The following DMD variants were observed in gnomAD, a reference collection of about 807,000 sequenced individuals.
DMD encodes the protein mutant dystrophin.
DMD carries 63 observed loss-of-function variants against 330.1 expected under a neutral mutation model. The ratio of observed to expected loss-of-function variants is 0.19; its 90% CI spans 0.16 to 0.24. The LOEUF (loss-of-function observed/expected upper bound fraction) is 0.24. DMD is among the 10% of genes least tolerant of loss of function. DMD has a pLI of 1.00. For missense variants in DMD, 3,344 were observed against 2,684.1 expected (o/e 1.25, Z -5.43); for synonymous variants, 1,223 against 959.8 (o/e 1.27, Z -5.07).
At chrX:31,123,091 A>T (rs1232567362) in intron 78 of DMD, among the ~76,000 whole-genome samples, 6 of 111,942 alleles carry the variant, frequency 5.4e-5, no homozygotes, top group Non-Finnish European at 1.1e-4. Flanking sequence ...TCCCAATAAA[A>T]ATTAAAGCTA....
chrX:31,522,353 C>CTATATA (rs1476139332), intron 55 of DMD, among the ~76,000 whole-genome samples: 2 of 62,824 alleles, frequency 3.2e-5, no homozygotes, highest in African/African-American at 8.5e-5. Context: ...CTCTCTCTCT[C>CTATATA]TCTCTCTCTC....
intron 1 of DMD, among the ~76,000 whole-genome samples, chrX:33,143,779 G>A (rs2047905980): frequency 1.8e-5 from 2 of 111,582 alleles, no homozygotes; most frequent in South Asian, 3.7e-4. Flanking sequence ...ATTTTATATA[G>A]CGTTAACTCC....
At chrX:31,715,345 C>T (rs957009501) in intron 52 of DMD, among the ~76,000 whole-genome samples, 51 of 105,897 alleles carry the variant, frequency 4.8e-4, no homozygotes, top group Non-Finnish European at 8.1e-4. Context: ...GAGATCGAGA[C>T]CATCCTGGCT....
In DMD at chrX:31,162,257, A is replaced by G. The variant is rs192917154; in HGVS notation, c.10553+7186T>C. ...AACAGAATTACATCCTCAGGCCTGG[A>G]AAGTAGCTAAAGAAACTCATGACCA... is the stretch of plus-strand genomic sequence containing the variant. On this transcript the variant is annotated intron_variant, in intron 74 of 78. Transcript: ENST00000357033. Among the ~76,000 whole-genome samples the G allele has an allele frequency of 5.4e-3, 581 of 107,107 alleles. 4 individuals are homozygous for G. Among genetic ancestry groups the G allele is most frequent in the African/African-American group, 0.019 (553 of 29,577 alleles). 93.0% of individuals were successfully genotyped at this position (107,107 alleles called of 115,157 possible). A position where few individuals can be genotyped will look rare whatever the true frequency, so the allele number is the denominator to read the frequency against.
At chrX:32,373,753 TGA>T (rs2097889785) in intron 34 of DMD, among the ~76,000 whole-genome samples, 1 of 111,730 alleles carries the variant, frequency 9.0e-6, no homozygotes, top group African/African-American at 3.2e-5. Flanking sequence ...TTCCTCTTGG[TGA>T]GAGAGTCTCT....
chrX:31,750,068 C>G (rs773424067), intron 51 of DMD, among the ~76,000 whole-genome samples: 1 of 110,298 alleles, frequency 9.1e-6, no homozygotes, highest in Non-Finnish European at 1.9e-5. Flanking sequence ...AAGCAGGTTG[C>G]GAAAATTTTC....
chrX:31,955,928 A>G (rs1235838901), intron 45 of DMD, among the ~76,000 whole-genome samples: 1 of 112,241 alleles, frequency 8.9e-6, no homozygotes, highest in Admixed American at 9.4e-5. Context: ...TTTGGTAGAG[A>G]CTGCTTAGCT....
At chrX:32,601,607 T>C in intron 12 of DMD, among the ~76,000 whole-genome samples, 1 of 108,723 alleles carries the variant, frequency 9.2e-6, no homozygotes, top group African/African-American at 3.3e-5. Flanking sequence ...TGAAATAGAT[T>C]GACCAAAACT....
chrX:32,459,264 A>G (rs1415871487), intron 25 of DMD, among the ~76,000 whole-genome samples: 1 of 110,968 alleles, frequency 9.0e-6, no homozygotes, highest in African/African-American at 3.3e-5. Flanking sequence ...TCATGGGTAT[A>G]CGCTTATCCC....
At chrX:32,807,854 T>C (rs1191431981) in intron 7 of DMD, among the ~76,000 whole-genome samples, 1 of 111,897 alleles carries the variant, frequency 8.9e-6, no homozygotes, top group Non-Finnish European at 1.9e-5. Context: ...TATTTTTAAA[T>C]CTTCTCTTAC....
chrX:32,132,286 G>A (rs1340050761), intron 44 of DMD, among the ~76,000 whole-genome samples: 1 of 111,842 alleles, frequency 8.9e-6, no homozygotes, highest in Non-Finnish European at 1.9e-5. Context: ...GTCCATCATG[G>A]TCAAATTACT....
chrX:33,215,640 T>C (rs761924657), upstream of DMD, among the ~76,000 whole-genome samples: 11 of 111,754 alleles, frequency 9.8e-5, no homozygotes, highest in Non-Finnish European at 2.1e-4. Context: ...TCTTCTAGGA[T>C]TTTTTACAGT....
intron 2 of DMD, among the ~76,000 whole-genome samples, chrX:32,960,025 CA>C (rs1393619440): frequency 9.0e-6 from 1 of 110,584 alleles, no homozygotes; most frequent in African/African-American, 3.3e-5. Context: ...CTAGACTCAA[CA>C]AATAGGATTT....
intron 44 of DMD, among the ~76,000 whole-genome samples, chrX:31,985,447 C>T (rs2095502673): frequency 8.9e-6 from 1 of 112,374 alleles, no homozygotes; most frequent in South Asian, 3.6e-4. Flanking sequence ...ATATTTATGT[C>T]GCTTCTACAT....
At chrX:31,526,864 C>T (rs762265400) in intron 55 of DMD, among the ~76,000 whole-genome samples, 4 of 112,221 alleles carry the variant, frequency 3.6e-5, no homozygotes, top group East Asian at 5.6e-4. Context: ...AATTCCAGCA[C>T]GTTGTCAGGC....
intron 45 of DMD, among the ~76,000 whole-genome samples, chrX:31,949,508 A>T (rs1159379952): frequency 1.8e-5 from 2 of 111,455 alleles, no homozygotes; most frequent in African/African-American, 3.3e-5. Flanking sequence ...TGCAAGCTTC[A>T]TGAACTTATC....
chrX:33,172,654 T>C (rs1455109023), intron 1 of DMD, among the ~76,000 whole-genome samples: 1 of 111,809 alleles, frequency 8.9e-6, no homozygotes, highest in Non-Finnish European at 1.9e-5. Context: ...TGGGAGAGAT[T>C]ACACTCCCGT....
At chrX:32,044,500 C>A (rs1224843509) in intron 44 of DMD, among the ~76,000 whole-genome samples, 1 of 110,578 alleles carries the variant, frequency 9.0e-6, no homozygotes, top group Non-Finnish European at 1.9e-5. Flanking sequence ...CGGCTCACTG[C>A]AAGCTCTGCA....
chrX:31,141,843 G>T (rs1218555962), intron 76 of DMD, among the ~76,000 whole-genome samples: 1 of 111,466 alleles, frequency 9.0e-6, no homozygotes, highest in Non-Finnish European at 1.9e-5. Context: ...TATGGAAGGA[G>T]CGCCCAGGGA....
Sources: allele counts gnomAD v4.1 joint callset (sites outside exome capture counted in the v4.1 genomes callset), GRCh38; gene constraint gnomAD v4.1.1; transcripts MANE v1.5; gene names NCBI Gene and HGNC (gene_info 2026-07-23, HGNC 2026-07-21).